TAFA2: variants seen among roughly 807,000 people sequenced by gnomAD.
TAFA2 encodes the protein TAFA chemokine like family member 2, also known as chemokine-like protein TAFA-2.
TAFA2 carries 7 observed loss-of-function variants against 18.8 expected under a neutral mutation model. The ratio of observed to expected loss-of-function variants is 0.37; its 90% CI spans 0.21 to 0.70. The LOEUF (loss-of-function observed/expected upper bound fraction) is 0.70, where lower values mean the gene tolerates loss of function less well. Among genes scored for constraint, TAFA2 ranks in the 30% least tolerant of loss-of-function variants. TAFA2 has a pLI of 0.53. For missense variants in TAFA2, 122 were observed against 158.1 expected (o/e 0.77, Z 1.23); for synonymous variants, 60 against 54.2 (o/e 1.11, Z -0.47).
chr12:62,126,195 G>A (rs1870452546), intron 1 of TAFA2, among the ~76,000 whole-genome samples: 1 of 152,026 alleles, frequency 6.6e-6, no homozygotes, highest in South Asian at 2.1e-4. Context: ...TCGCTGACAA[G>A]CATTATGCTG....
intron 1 of TAFA2, among the ~76,000 whole-genome samples, chr12:62,022,347 G>A (rs1881170941): frequency 6.6e-6 from 1 of 152,140 alleles, no homozygotes; most frequent in East Asian, 1.9e-4. Context: ...GGTGATCCTA[G>A]AAGAAATGTA....
In TAFA2 at chr12:61,753,749, A is replaced by G. The variant is rs200506288; in HGVS notation, c.260-3T>C. 1.2e-4 allele frequency: 195 copies of G among 1,596,896 alleles called. No homozygotes were observed. The African/African-American group carries it at 2.3e-3, about 19-fold the overall frequency. The stretch of plus-strand genomic sequence containing the variant: ...CCATTTCTGTTCCACTATTGAAGCT[A>G]TAAGAGAGAAAAAAAATTGACTCAA... On this transcript the variant is annotated splice_polypyrimidine_tract_variant and splice_region_variant and intron_variant, in intron 3 of 4. Transcript: ENST00000416284.
At chr12:62,194,175 A>C (rs185305548), upstream of TAFA2, among the ~76,000 whole-genome samples, 105 of 152,278 alleles carry the variant, frequency 6.9e-4, no homozygotes, top group Non-Finnish European at 9.3e-4. Flanking sequence ...TGCAAATCTT[A>C]CAGTATTTTT....
intron 1 of TAFA2, among the ~76,000 whole-genome samples, chr12:61,925,450 C>A (rs990329253): frequency 6.6e-6 from 1 of 152,170 alleles, no homozygotes; most frequent in African/African-American, 2.4e-5. Flanking sequence ...AACTGCACAA[C>A]TACTTGGAAA....
intron 1 of TAFA2, among the ~76,000 whole-genome samples, chr12:62,009,517 G>A (rs989493622): frequency 1.2e-4 from 18 of 152,078 alleles, no homozygotes; most frequent in South Asian, 6.2e-4. Context: ...ACTATGAAAC[G>A]CTCTCAAAGA....
At chr12:61,819,360 T>C (rs1872226822) in intron 2 of TAFA2, among the ~76,000 whole-genome samples, 1 of 152,346 alleles carries the variant, frequency 6.6e-6, no homozygotes, top group Admixed American at 6.5e-5. Context: ...GTTCATAGCA[T>C]GCACTGAATT....
chr12:61,746,033 C>T (rs1229401806), intron 4 of TAFA2, among the ~76,000 whole-genome samples: 1 of 152,044 alleles, frequency 6.6e-6, no homozygotes, highest in Non-Finnish European at 1.5e-5. Flanking sequence ...CTGATGATGG[C>T]TACCTTGGTA....
At chr12:62,219,582 TA>T (rs1408977994) in intron 1 of TAFA2, among the ~76,000 whole-genome samples, 3 of 152,314 alleles carry the variant, frequency 2.0e-5, no homozygotes, top group African/African-American at 7.2e-5. Context: ...GTGTTTGTTA[TA>T]AAAGAAACTT....
chr12:62,024,136 C>T (rs77398417), intron 1 of TAFA2, among the ~76,000 whole-genome samples: 6,083 of 152,232 alleles, frequency 0.04, 190 homozygotes, highest in Non-Finnish European at 0.057. Context: ...TTTCCCCTCT[C>T]ATCCCAACAA....
chr12:62,233,424 G>C (rs1475946486), intron 1 of TAFA2, among the ~76,000 whole-genome samples: 1 of 152,040 alleles, frequency 6.6e-6, no homozygotes, highest in Admixed American at 6.6e-5. Context: ...ACTAGATTGT[G>C]ACCTCCACAA....
intron 1 of TAFA2, among the ~76,000 whole-genome samples, chr12:62,108,122 T>C (rs771709593): frequency 1.6e-4 from 25 of 152,186 alleles, no homozygotes; most frequent in Non-Finnish European, 3.7e-4. Flanking sequence ...TTTCTCCTAA[T>C]GCTATCCCTC....
intron 1 of TAFA2, among the ~76,000 whole-genome samples, chr12:62,068,096 C>CA (rs201623390): frequency 2.2e-4 from 32 of 146,546 alleles, no homozygotes; most frequent in East Asian, 7.9e-4. Context: ...TTCCTTTTAC[C>CA]AAAAAAAAAA....
At chr12:61,947,718 G>C (rs1254797784) in intron 1 of TAFA2, among the ~76,000 whole-genome samples, 3 of 152,086 alleles carry the variant, frequency 2.0e-5, no homozygotes, top group African/African-American at 7.2e-5. Flanking sequence ...AAGTTAAGTT[G>C]CTCTCATCTC....
At chr12:61,780,086 A>T (rs974904993) in intron 2 of TAFA2, among the ~76,000 whole-genome samples, 4 of 151,742 alleles carry the variant, frequency 2.6e-5, no homozygotes, top group African/African-American at 9.7e-5. Context: ...AAACAATGTC[A>T]AATATCCCAG....
chr12:62,192,660 T>C lies in TAFA2; in HGVS notation c.-1403A>G, dbSNP rs999253976. The C allele has an allele frequency of 2.6e-5, 4 of 152,258 alleles. No individual in the cohort carries two copies. Among genetic ancestry groups the C allele is most frequent in the African/African-American group, 9.6e-5 (4 of 41,452 alleles). 9.4% of individuals were successfully genotyped at this position (152,258 alleles called of 1,614,324 possible). ...ATAGTGCAGCGAGAATGCAGGAGAA[T>C]AGGTCCTGACACTCCAGGTTGAGTT... On this transcript the variant is annotated 5_prime_UTR_variant, in exon 1 of 5. Transcript: ENST00000416284.
At chr12:62,159,222 G>A (rs1020293720) in intron 1 of TAFA2, among the ~76,000 whole-genome samples, 9 of 152,254 alleles carry the variant, frequency 5.9e-5, no homozygotes, top group African/African-American at 1.7e-4. Flanking sequence ...AGAGTCACTC[G>A]CCAAAAGGTG....
chr12:62,021,709 T>C, intron 1 of TAFA2: 3 of 1,512,222 alleles, frequency 2.0e-6, no homozygotes, highest in African/African-American at 1.4e-5. Flanking sequence ...GGGCCAGTCT[T>C]ACCAGTTGGG....
At chr12:62,044,496 C>T (rs1300439446) in intron 1 of TAFA2, among the ~76,000 whole-genome samples, 1 of 152,120 alleles carries the variant, frequency 6.6e-6, no homozygotes, top group Non-Finnish European at 1.5e-5. Context: ...AGAAAGCCCG[C>T]ATAACCTGAA....
intron 1 of TAFA2, among the ~76,000 whole-genome samples, chr12:62,000,969 A>G (rs1880357815): frequency 6.6e-6 from 1 of 152,208 alleles, no homozygotes; most frequent in Non-Finnish European, 1.5e-5. Flanking sequence ...TTATAGAAGT[A>G]AAAAGCCACA....
Sources: allele counts gnomAD v4.1 joint callset (sites outside exome capture counted in the v4.1 genomes callset), GRCh38; gene constraint gnomAD v4.1.1; transcripts MANE v1.5; gene names NCBI Gene and HGNC (gene_info 2026-07-23, HGNC 2026-07-21).